The following PSMD3 variants were observed in gnomAD, a reference collection of about 807,000 sequenced individuals.
The protein encoded by PSMD3 is 26S proteasome non-ATPase regulatory subunit 3.
In PSMD3, 5 loss-of-function variants were observed where a neutral mutation model predicts 62.8. That is an observed-to-expected ratio of 0.08 (90% CI 0.04 to 0.17). The LOEUF (loss-of-function observed/expected upper bound fraction) is 0.17, where lower values mean the gene tolerates loss of function less well. Ranked by LOEUF, PSMD3 falls within the 10% of genes least tolerant of loss-of-function variation. The pLI is 1.00. For synonymous variants in PSMD3, 265 were observed against 283.9 expected (o/e 0.93, Z 0.67); for missense variants, 524 against 713.6 (o/e 0.73, Z 3.03).
At position 39,989,788 on chromosome 17, in the gene PSMD3, G is replaced by A. The variant is rs1253089757; in HGVS notation, c.736G>A (p.Gly246Arg). 4.3e-6 allele frequency: 7 copies of A among 1,613,994 alleles called. No homozygotes were observed. Among genetic ancestry groups the A allele is most frequent in the South Asian group, 1.1e-5 (1 of 91,084 alleles). Residue 246 changes from glycine to arginine, a missense_variant, in exon 5 of 12, where the codon GGG (glycine) becomes AGG (arginine). By Grantham distance (125) the Gly-to-Arg change is moderately radical. This residue lies in a region of PSMD3 where 396 missense variants were observed against 475.8 expected (regional missense o/e 0.83). Transcript: ENST00000264639. ...AGCTACGCTTCGGCATGACGCAGACGGGCAGGCCACCCTGTTGAACCTCCT... is the reference window on the plus strand; with the variant it reads ...AGCTACGCTTCGGCATGACGCAGACAGGCAGGCCACCCTGTTGAACCTCCT... ...RTATLRHDAD[G>R]QATLLNLLLR...
rs3815609 is a variant in PSMD3 at position 39,996,326 on chromosome 17, C to T, written c.1464C>T (p.Asn488=). Residue 488 remains asparagine (N), a synonymous_variant, in exon 10 of 12, where the codon AAC becomes AAT. Transcript: ENST00000264639. The surrounding 1 kb of genome is among the most constrained non-coding windows in gnomAD (Gnocchi z 5.1). ...QRISFCLDIH[N]MSVKAMRFPP... is the part of the protein sequence containing the mutation. ...TCTCCTTCTGCCTAGATATCCACAA[C>T]ATGTCTGTCAAGGTGAGAAGCCCGT... The T allele has an allele frequency of 3.2e-4, 516 of 1,613,920 alleles. 4 individuals carry two copies. In the East Asian group the frequency reaches 0.011, roughly 35 times the overall value.
At chr17:39,981,221 G>A (rs372143204) in intron 1 of PSMD3, 31 bp downstream of exon 1, 1 of 1,548,310 alleles carries the variant, frequency 6.5e-7, no homozygotes. Context: ...AACGTGCCGC[G>A]ATCGCGGGTG....
At position 39,986,650 on chromosome 17, in the gene PSMD3, G is replaced by A. The variant is rs1980532603; in HGVS notation, c.487G>A (p.Val163Met). The change falls in exon 3 of 12, where the codon GTG (valine) becomes ATG (methionine). Residue 163 changes from valine (V) to methionine (M), a missense_variant. Physicochemically the swap from Val to Met is conservative, Grantham distance 21. Transcript: ENST00000264639. ...TGCGTCGACACCCCTCCTGCCTGAA[G>A]TGGAAGCCTATCTCCAACTCCTCGT... is the stretch of plus-strand genomic sequence containing the variant. ...KAASTPLLPE[V>M]EAYLQLLVVI... The A allele has an allele frequency of 1.9e-6, 3 of 1,614,060 alleles. No homozygotes were observed. Among genetic ancestry groups the A allele is most frequent in the Non-Finnish European group, 2.5e-6 (3 of 1,180,050 alleles).
At chr17:39,983,252 C>T (rs1980430907) in intron 1 of PSMD3, among the ~76,000 whole-genome samples, 2 of 152,216 alleles carry the variant, frequency 1.3e-5, no homozygotes, top group Admixed American at 6.5e-5. Context: ...AGGCTGGTCT[C>T]CAACTGCTAC....
In PSMD3 at chr17:39,997,739, C is replaced by T. The variant is rs1453444764; in HGVS notation, c.*158C>T. On this transcript the variant is annotated 3_prime_UTR_variant, in exon 12 of 12. Transcript: ENST00000264639. ...TGGGAGCCAGCCACCCTGACCTCCC[C>T]CAGGGCTCCTCCCCAGCCGGTGACT... 2 of 826,042 alleles carry T rather than the reference C, an allele frequency of 2.4e-6. No individual in the cohort carries two copies. The highest frequency in any genetic ancestry group is 1.7e-5 in the African/African-American group (1 of 58,924). 51.2% of individuals were successfully genotyped at this position (826,042 alleles called of 1,614,324 possible). A position where few individuals can be genotyped will look rare whatever the true frequency, so the allele number is the denominator to read the frequency against.
chr17:39,990,180 G>C lies in PSMD3; in HGVS notation c.964G>C (p.Val322Leu), dbSNP rs1286448538. The C allele has an allele frequency of 6.2e-7, 1 of 1,612,984 alleles. No individual in the cohort carries two copies. ...TCGCAAGGCCCCTCAGCACACAGCT[G>C]TCGGCTTCAAACAGACGGTGAGCCA... ...ALRKAPQHTA[V>L]GFKQTVHKLL... is the part of the protein sequence containing the mutation. The change falls in exon 6 of 12, where the codon GTC (valine) becomes CTC (leucine). Residue 322 changes from valine (V) to leucine (L), a missense_variant. Val to Leu is a conservative substitution (Grantham distance 32). Transcript: ENST00000264639.
intron 6 of PSMD3, chr17:39,994,187 G>A (rs1980724958): frequency 6.6e-6 from 1 of 152,366 alleles, no homozygotes; most frequent in African/African-American, 2.4e-5. Context: ...TGTGGAGGGT[G>A]AAGGGTCTGC....
chr17:39,981,717 A>T lies in PSMD3; in HGVS notation c.220+527A>T, dbSNP rs191358000. ...ATCTTGTTTCCTACTTCTCTAACTGAAGTGTCCCAACAGTCCCCTTGCTGT... is the reference window on the plus strand; with the variant it reads ...ATCTTGTTTCCTACTTCTCTAACTGTAGTGTCCCAACAGTCCCCTTGCTGT... On this transcript the variant is annotated intron_variant, in intron 1 of 11. Transcript: ENST00000264639. Among the ~76,000 whole-genome samples, 75 of 152,214 alleles carry T rather than the reference A, an allele frequency of 4.9e-4. No individual in the cohort carries two copies. The East Asian group carries it at 0.014, about 29-fold the overall frequency.
At chr17:39,989,204 C>T (rs1980596945) in intron 4 of PSMD3, among the ~76,000 whole-genome samples, 1 of 152,212 alleles carries the variant, frequency 6.6e-6, no homozygotes, top group Non-Finnish European at 1.5e-5. Context: ...TGATCTGCTC[C>T]ATTTTGACCT....
At chr17:39,987,335 C>T (rs1452686663) in intron 3 of PSMD3, among the ~76,000 whole-genome samples, 1 of 152,122 alleles carries the variant, frequency 6.6e-6, no homozygotes, top group Non-Finnish European at 1.5e-5. Flanking sequence ...TTCCTTACCA[C>T]ACTATTTTTG....
In PSMD3 at chr17:39,997,688, T is replaced by C. The variant is rs1431784332; in HGVS notation, c.*107T>C. 7.7e-7 allele frequency: 1 copy of C among 1,301,102 alleles called. No homozygotes were observed. Among genetic ancestry groups the C allele is most frequent in the East Asian group, 2.5e-5 (1 of 40,212 alleles). 80.6% of individuals were successfully genotyped at this position (1,301,102 alleles called of 1,614,324 possible). Reference sequence around the variant, plus strand: ...ATTTTCCCACACACAGCTCATATGCTGCATTCGTGCAGGGGGTGGGGGTGC... The same window carrying C: ...ATTTTCCCACACACAGCTCATATGCCGCATTCGTGCAGGGGGTGGGGGTGC... On this transcript the variant is annotated 3_prime_UTR_variant, in exon 12 of 12. Coordinates refer to ENST00000264639, the MANE Select transcript of PSMD3 (RefSeq NM_002809.4).
At chr17:39,986,787 T>G (rs1467621094) in intron 3 of PSMD3, 75 bp downstream of exon 3, 1 of 1,532,032 alleles carries the variant, frequency 6.5e-7, no homozygotes, top group African/African-American at 1.4e-5. Context: ...TGGTCCCTGG[T>G]GAAGAAATGG....
In PSMD3 at chr17:39,984,386, T is replaced by C; in HGVS notation, c.313T>C (p.Ser105Pro). The change falls in exon 2 of 12, where the codon TCA becomes CCA. Residue 105 changes from serine to proline, a missense_variant. Physicochemically the swap from Ser to Pro is moderately conservative, Grantham distance 74 (BLOSUM62 -1). Around this residue, in one of 4 missense-constraint regions of PSMD3, gnomAD observed 396 missense variants for 475.8 expected, o/e 0.83. Coordinates refer to ENST00000264639, the MANE Select transcript of PSMD3 (RefSeq NM_002809.4). ...LRALRMLPST[S>P]RRLNHYVLYK... ...GGCCCTGCGGATGCTGCCTTCCACATCACGCCGCCTCAACCACTATGTTCT... is the reference window on the plus strand; with the variant it reads ...GGCCCTGCGGATGCTGCCTTCCACACCACGCCGCCTCAACCACTATGTTCT... The C allele has an allele frequency of 6.2e-7, 1 of 1,613,740 alleles. No homozygotes were observed.
chr17:39,992,862 C>T (rs1980693099), intron 6 of PSMD3: 1 of 152,672 alleles, frequency 6.5e-6, no homozygotes, highest in African/African-American at 2.4e-5. Context: ...CTTCTCACCA[C>T]CTGGGCCTCA....
chr17:39,986,956 G>C lies in PSMD3; in HGVS notation c.549+244G>C, dbSNP rs1980540780. Among the ~76,000 whole-genome samples, 3 of 152,150 alleles carry C rather than the reference G, an allele frequency of 2.0e-5. No individual in the cohort carries two copies. The South Asian group carries it at 6.2e-4, about 31-fold the overall frequency. On this transcript the variant is annotated intron_variant, in intron 3 of 11. Transcript: ENST00000264639. ...CCGGTCTGTGGGGGATACCAGCGTA[G>C]TACATTCTTGGGGAAAAGTAGGGGC...
rs932574627 is a variant in PSMD3 at position 39,996,438 on chromosome 17, C to T, written c.1476+100C>T. 22 of 1,442,986 alleles carry T rather than the reference C, an allele frequency of 1.5e-5. No homozygotes were observed. The Admixed American group carries it at 2.5e-4, about 16-fold the overall frequency. 89.4% of individuals were successfully genotyped at this position (1,442,986 alleles called of 1,614,324 possible). A position where few individuals can be genotyped will look rare whatever the true frequency, so the allele number is the denominator to read the frequency against. On this transcript the variant is annotated intron_variant, in intron 10 of 11. Coordinates refer to ENST00000264639, the MANE Select transcript of PSMD3 (RefSeq NM_002809.4). The surrounding 1 kb of genome is among the most constrained non-coding windows in gnomAD (Gnocchi z 5.1). ...GAAGACTGGCTTAATTTGTGGCCCA[C>T]GTCCCAGCCAATCTCTGTAAAATCA...
chr17:39,990,229 C>CA, intron 6 of PSMD3, 32 bp downstream of exon 6: 3 of 1,156,198 alleles, frequency 2.6e-6, no homozygotes, highest in Non-Finnish European at 3.5e-6. Context: ...CCCTTTGCCT[C>CA]TTTTTTTTTT....
chr17:39,983,104 C>G (rs1440613840), intron 1 of PSMD3, among the ~76,000 whole-genome samples: 1 of 151,866 alleles, frequency 6.6e-6, no homozygotes, highest in African/African-American at 2.4e-5. Context: ...GCGATCTCGG[C>G]TCACTGCAAC....
In PSMD3 at chr17:39,997,584, T is replaced by TG; in HGVS notation, c.*9dup. 3.6e-6 allele frequency: 4 copies of TG among 1,103,412 alleles called. No individual in the cohort carries two copies. Among genetic ancestry groups the TG allele is most frequent in the Non-Finnish European group, 5.2e-6 (4 of 770,338 alleles). 68.4% of individuals were successfully genotyped at this position (1,103,412 alleles called of 1,614,324 possible). A position where few individuals can be genotyped will look rare whatever the true frequency, so the allele number is the denominator to read the frequency against. On this transcript the variant is annotated 3_prime_UTR_variant, in exon 12 of 12. Transcript: ENST00000264639. ...ATGATGATGACAGCTTCCCTTGAGC[T>TG]GGGGGGCTGGGGAGGGGTAGGGGGA...
Sources: gnomAD v4.1 joint callset for allele counts (sites outside exome capture counted in the v4.1 genomes callset) on GRCh38, gnomAD v4.1.1 for gene constraint, gnomAD v4.1.1 regional missense constraint, Gnocchi (gnomAD v3.1) non-coding constraint, MANE v1.5 for transcripts, NCBI Gene and HGNC (gene_info 2026-07-23, HGNC 2026-07-21) for gene names.